The following SAR1A variants were observed in gnomAD, a reference collection of about 807,000 sequenced individuals.
SAR1A encodes the protein small COPII coat GTPase SAR1A.
SAR1A carries 6 observed loss-of-function variants against 22.6 expected under a neutral mutation model. The ratio of observed to expected loss-of-function variants is 0.27; its 90% confidence interval spans 0.15 to 0.52. SAR1A has a LOEUF of 0.52. Among genes scored for constraint, SAR1A ranks in the 20% least tolerant of loss-of-function variants. The probability of loss-of-function intolerance (pLI) is 0.96; values close to 1 mark genes in which losing one functional copy is unlikely to be tolerated. For synonymous variants in SAR1A, 70 were observed against 82.2 expected, an observed-to-expected ratio of 0.85 and a Z score of 0.80; for missense variants, 145 against 245.1, an observed-to-expected ratio of 0.59 and a Z score of 2.73.
chr10:70,167,694 TAA>T (rs1316756279), intron 1 of SAR1A, among the ~76,000 whole-genome samples: 1 of 152,168 alleles, frequency 6.6e-6, no homozygotes, highest in African/African-American at 2.4e-5. Context: ...GCCTAATCTG[TAA>T]ATTTTAGGGC....
intron 1 of SAR1A, 82 bp from the exon 2 acceptor site, chr10:70,162,013 C>T: frequency 1.0e-6 from 1 of 969,658 alleles, no homozygotes; most frequent in Non-Finnish European, 1.6e-6. Flanking sequence ...GTTCCCTAGC[C>T]ATGATGCACA....
In SAR1A at chr10:70,147,891, T is replaced by G. The variant is rs1208254077; in HGVS notation, c.*4585A>C. 6.6e-6 allele frequency: 1 copy of G among 152,268 alleles called. No individual in the cohort carries two copies. The highest frequency in any genetic ancestry group is 1.9e-4 in the East Asian group (1 of 5,204). 9.4% of individuals were successfully genotyped at this position (152,268 alleles called of 1,614,324 possible). A position where few individuals can be genotyped will look rare whatever the true frequency, so the allele number is the denominator to read the frequency against. ...CATTATTTTTTATTTATTTATTTATTTTTTTGAGACGGAGTCTCGCTCTGT... is the reference window on the plus strand; with the variant it reads ...CATTATTTTTTATTTATTTATTTATGTTTTTGAGACGGAGTCTCGCTCTGT... On this transcript the variant is annotated 3_prime_UTR_variant, in exon 7 of 7. Coordinates refer to ENST00000373241, the MANE Select transcript of SAR1A (RefSeq NM_020150.5).
chr10:70,170,110 G>C (rs950654297), intron 1 of SAR1A, among the ~76,000 whole-genome samples: 1 of 152,112 alleles, frequency 6.6e-6, no homozygotes, highest in Non-Finnish European at 1.5e-5. Context: ...AGAGGACATG[G>C]AGCCATTTCG....
At chr10:70,169,291 T>C (rs1839593447) in intron 1 of SAR1A, among the ~76,000 whole-genome samples, 1 of 152,102 alleles carries the variant, frequency 6.6e-6, no homozygotes, top group Non-Finnish European at 1.5e-5. Flanking sequence ...CTAAAACTTC[T>C]TTAACCCACC....
intron 4 of SAR1A, 66 bp downstream of exon 4, chr10:70,160,938 A>T: frequency 9.5e-7 from 1 of 1,052,900 alleles, no homozygotes; most frequent in Non-Finnish European, 1.4e-6. Context: ...CACTGCTTTT[A>T]AAAGGAGCTG....
intron 1 of SAR1A, chr10:70,166,738 G>C (rs1839556802): frequency 6.6e-6 from 1 of 150,830 alleles, no homozygotes; most frequent in Non-Finnish European, 1.5e-5. Context: ...TGTAATCCCA[G>C]CATTTTGCAA....
chr10:70,154,034 C>A, intron 5 of SAR1A, 65 bp from the exon 6 acceptor site: 1 of 1,285,724 alleles, frequency 7.8e-7, no homozygotes, highest in African/African-American at 1.5e-5. Context: ...CAAAAGCCCA[C>A]CAGATAATGA....
Position 70,150,855 on chromosome 10 carries a change from A to T in SAR1A, c.*1621T>A, listed in dbSNP as rs1372496069. 1 of 152,504 alleles carries T rather than the reference A, an allele frequency of 6.6e-6. No homozygotes were observed. The highest frequency in any genetic ancestry group is 1.5e-5 in the Non-Finnish European group (1 of 68,026). The allele number at this position is 152,504 out of a possible 1,614,324, so 9.4% of individuals were successfully genotyped here. ...AGTGAAAAAGTATGCTTTCCCCACAAGTCAGTACTGGAGAATAAGAATGAG... is the reference window on the plus strand; with the variant it reads ...AGTGAAAAAGTATGCTTTCCCCACATGTCAGTACTGGAGAATAAGAATGAG... On this transcript the variant is annotated 3_prime_UTR_variant, in exon 7 of 7. Coordinates refer to ENST00000373241, the MANE Select transcript of SAR1A (RefSeq NM_020150.5).
At chr10:70,164,056 T>C (rs1016242866) in intron 1 of SAR1A, 4 of 791,114 alleles carry the variant, frequency 5.1e-6, no homozygotes, top group East Asian at 4.9e-5. Flanking sequence ...GTTGATTAAA[T>C]GATCAGGGAA....
chr10:70,162,978 C>A (rs941231137), intron 1 of SAR1A: 14 of 152,242 alleles, frequency 9.2e-5, no homozygotes, highest in African/African-American at 3.1e-4. Context: ...TTGACTTCCT[C>A]CACAGTCCTG....
At chr10:70,164,110 A>G in intron 1 of SAR1A, 1 of 741,918 alleles carries the variant, frequency 1.3e-6, no homozygotes, top group Non-Finnish European at 2.5e-6. Flanking sequence ...GAGTTTGTAC[A>G]AATGATGACA....
intron 5 of SAR1A, among the ~76,000 whole-genome samples, chr10:70,155,752 G>A (rs937182407): frequency 6.6e-6 from 1 of 152,206 alleles, no homozygotes; most frequent in African/African-American, 2.4e-5. Context: ...CCGACAAAGC[G>A]AGGGGTTGAG....
intron 4 of SAR1A, among the ~76,000 whole-genome samples, chr10:70,159,600 G>A (rs1303606162): frequency 6.6e-6 from 1 of 152,086 alleles, no homozygotes; most frequent in East Asian, 1.9e-4. Flanking sequence ...TTGTGCCACT[G>A]CACTCCAGCC....
rs1307274685 is a variant in SAR1A at position 70,161,972 on chromosome 10, T to C, written c.-16-41A>G. ...AAGTAGCAAACATTAGCTTTCTGAA[T>C]GACAGTACAATTGTGGAGAGGTTAA... On this transcript the variant is annotated intron_variant, in intron 1 of 6. Coordinates refer to ENST00000373241, the MANE Select transcript of SAR1A (RefSeq NM_020150.5). 8 of 1,401,826 alleles carry C rather than the reference T, an allele frequency of 5.7e-6. No individual in the cohort carries two copies. The Admixed American group carries it at 6.8e-5, about 12-fold the overall frequency. 86.8% of individuals were successfully genotyped at this position (1,401,826 alleles called of 1,614,324 possible).
rs563003200 is a variant in SAR1A, at chr10:70,151,123, T to C, written c.*1353A>G. ...ATAAAATTAATCCCCATCACCCAAG[T>C]AGGGATGCCGGTGCTTTTATACTGA... On this transcript the variant is annotated 3_prime_UTR_variant, in exon 7 of 7. Coordinates refer to ENST00000373241, the MANE Select transcript of SAR1A (RefSeq NM_020150.5). The C allele has an allele frequency of 6.6e-6, 1 of 152,024 alleles. No individual in the cohort carries two copies. Among genetic ancestry groups the C allele is most frequent in the African/African-American group, 2.4e-5 (1 of 41,504 alleles). 9.4% of individuals were successfully genotyped at this position (152,024 alleles called of 1,614,324 possible). A position where few individuals can be genotyped will look rare whatever the true frequency, so the allele number is the denominator to read the frequency against.
rs1169569952 is a variant in SAR1A, at chr10:70,152,521, T to C, written c.552A>G (p.Gln184=). The C allele has an allele frequency of 3.7e-6, 6 of 1,614,012 alleles. No individual in the cohort carries two copies. The highest frequency in any genetic ancestry group is 5.1e-6 in the Non-Finnish European group (6 of 1,179,986). Residue 184 remains glutamine, a synonymous_variant, in exon 7 of 7, where the codon CAA becomes CAG. Transcript: ENST00000373241. The part of the protein sequence containing the change: ...EVFMCSVLKR[Q]GYGEGFRWLS... ...GCCAGCGGAAACCCTCGCCGTAACC[T>C]TGCCTCTTGAGCACACTGCACATGA...
rs139903298 is a variant in SAR1A at position 70,152,338 on chromosome 10, A to G, written c.*138T>C. The G allele has an allele frequency of 6.6e-5, 59 of 893,770 alleles. No individual in the cohort carries two copies. Among genetic ancestry groups the G allele is most frequent in the Middle Eastern group, 4.3e-4 (2 of 4,618 alleles). The allele number at this position is 893,770 out of a possible 1,614,324, so 55.4% of individuals were successfully genotyped here. A position where few individuals can be genotyped will look rare whatever the true frequency, so the allele number is the denominator to read the frequency against. On this transcript the variant is annotated 3_prime_UTR_variant, in exon 7 of 7. Coordinates refer to ENST00000373241, the MANE Select transcript of SAR1A (RefSeq NM_020150.5). The stretch of plus-strand genomic sequence containing the variant: ...ACATGTCACCACTGGGCAATGAGAG[A>G]GTTGACAGAGACTCTTGGCTTCTCA...
chr10:70,161,906 T>G lies in SAR1A; in HGVS notation c.10A>C (p.Ile4Leu). Residue 4 changes from isoleucine (I) to leucine (L), a missense_variant, in exon 2 of 7, where the codon ATC becomes CTC. This residue lies in a region of SAR1A where 22 missense variants were observed against 24.8 expected (regional missense o/e 0.89). Transcript: ENST00000373241. ...AAGCCATTGTAGATCCACTCAAAGA[T>G]GAAAGACATTATTAATGCTTACTAC... is the stretch of plus-strand genomic sequence containing the variant. MSF[I>L]FEWIYNGFSS... is the part of the protein sequence containing the mutation. The G allele has an allele frequency of 1.2e-6, 2 of 1,611,834 alleles. No individual in the cohort carries two copies. The highest frequency in any genetic ancestry group is 1.7e-6 in the Non-Finnish European group (2 of 1,179,110).
intron 5 of SAR1A, among the ~76,000 whole-genome samples, chr10:70,156,721 C>G (rs1448554448): frequency 6.7e-6 from 1 of 148,302 alleles, no homozygotes; most frequent in African/African-American, 2.5e-5. Flanking sequence ...GGCAATTCTA[C>G]ATGAGGCTGG....
Sources: gnomAD v4.1 joint callset for allele counts (sites outside exome capture counted in the v4.1 genomes callset) on GRCh38, gnomAD v4.1.1 for gene constraint, gnomAD v4.1.1 regional missense constraint, MANE v1.5 for transcripts, NCBI Gene and HGNC (gene_info 2026-07-23, HGNC 2026-07-21) for gene names.